The following DCAF8 variants were observed in gnomAD, a reference collection of about 807,000 sequenced individuals.
DCAF8 encodes the protein DDB1- and CUL4-associated factor 8.
Under a neutral mutation model 68.0 loss-of-function variants are expected in DCAF8, and 20 were observed. That is an observed-to-expected ratio of 0.29 (90% confidence interval 0.21 to 0.43). The LOEUF is 0.43. Among genes scored for constraint, DCAF8 ranks in the 20% least tolerant of loss-of-function variants. The pLI, the probability that DCAF8 is intolerant of heterozygous loss-of-function variation, is 1.00. For missense variants in DCAF8, 460 were observed against 771.0 expected, an observed-to-expected ratio of 0.60 and a Z score of 4.78; for synonymous variants, 230 against 276.9, an observed-to-expected ratio of 0.83 and a Z score of 1.68.
intron 3 of DCAF8, 117 bp downstream of exon 3, chr1:160,243,843 C>T: frequency 1.0e-6 from 1 of 975,410 alleles, no homozygotes; most frequent in Non-Finnish European, 1.6e-6. Flanking sequence ...AAACTCAGAA[C>T]AACACAGGAA....
chr1:160,217,776 C>G, intron 13 of DCAF8, 68 bp from the exon 14 acceptor site: 2 of 1,300,896 alleles, frequency 1.5e-6, no homozygotes, highest in Non-Finnish European at 2.2e-6. Flanking sequence ...TAGGTCTTAG[C>G]CAGAATTTAG....
At chr1:160,250,464 C>CA (rs386368471) in intron 2 of DCAF8, among the ~76,000 whole-genome samples, 35,465 of 66,820 alleles carry the variant, frequency 0.53, 9,056 homozygotes, top group South Asian at 0.66. Flanking sequence ...GAAACTGTCT[C>CA]AAAAAAAAAA....
In DCAF8 at chr1:160,231,274, A is replaced by C. The variant is rs1371411560; in HGVS notation, c.1070+23T>G. On this transcript the variant is annotated intron_variant, in intron 7 of 13. Coordinates refer to ENST00000368074, the MANE Select transcript of DCAF8 (RefSeq NM_015726.4). ...GCATCAGTCTTACAAACTGTCAAAG[A>C]CACAAAAGAGCCACAAACTCACCTT... is the stretch of plus-strand genomic sequence containing the variant. 2.6e-6 allele frequency: 4 copies of C among 1,550,290 alleles called. No individual in the cohort carries two copies. The East Asian group carries it at 6.7e-5, about 26-fold the overall frequency.
intron 2 of DCAF8, among the ~76,000 whole-genome samples, chr1:160,244,597 T>G (rs538723534): frequency 1.3e-5 from 2 of 152,042 alleles, no homozygotes; most frequent in East Asian, 3.9e-4. Flanking sequence ...GATGACTAAC[T>G]TCAAACCTAT....
intron 11 of DCAF8, chr1:160,220,012 TGAG>T (rs1315877933): frequency 3.3e-5 from 5 of 152,280 alleles, no homozygotes; most frequent in African/African-American, 9.6e-5. Flanking sequence ...AGAGAACAGC[TGAG>T]GAGAAGTCAA....
At position 160,252,001 on chromosome 1, in the gene DCAF8, C is replaced by A. The variant is rs529672527; in HGVS notation, c.-26-7967G>T. Reference sequence around the variant, plus strand: ...TGTAACAGAAAAATTAATCTCTATTCCTACTGTGCTGAAGATCTGACAGTA... The same window carrying A: ...TGTAACAGAAAAATTAATCTCTATTACTACTGTGCTGAAGATCTGACAGTA... On this transcript the variant is annotated intron_variant, in intron 2 of 13. Transcript: ENST00000368074. Among the ~76,000 whole-genome samples the A allele has an allele frequency of 1.2e-4, 18 of 152,288 alleles. 2 individuals carry two copies. In the East Asian group the frequency reaches 3.5e-3, roughly 29 times the overall value.
rs528802122 is a variant in DCAF8, at chr1:160,232,832, T to C, written c.960-1425A>G. Among the ~76,000 whole-genome samples, 5 of 151,928 alleles carry C rather than the reference T, an allele frequency of 3.3e-5. No individual in the cohort carries two copies. In the South Asian group the frequency reaches 8.3e-4, roughly 25 times the overall value. ...GACCCTGTCTCAAAAAGTAAAAAAA[T>C]AAAAAACCCAGCTTAAAATATGCAC... On this transcript the variant is annotated intron_variant, in intron 6 of 13. Transcript: ENST00000368074.
intron 7 of DCAF8, among the ~76,000 whole-genome samples, chr1:160,226,592 C>A (rs1265257598): frequency 6.6e-6 from 1 of 152,176 alleles, no homozygotes; most frequent in African/African-American, 2.4e-5. Flanking sequence ...CTTCCAGGGA[C>A]CTTGTTTGAT....
At chr1:160,248,973 C>T (rs2101757833) in intron 2 of DCAF8, among the ~76,000 whole-genome samples, 1 of 152,142 alleles carries the variant, frequency 6.6e-6, no homozygotes, top group African/African-American at 2.4e-5. Context: ...GGGCAGATCA[C>T]CTGAGGTCAG....
chr1:160,228,247 C>T (rs1183186677), intron 7 of DCAF8, among the ~76,000 whole-genome samples: 1 of 152,014 alleles, frequency 6.6e-6, no homozygotes, highest in Admixed American at 6.6e-5. Context: ...TTTTAAGTCA[C>T]GTAAGGAATA....
chr1:160,236,857 A>G (rs1655915506), intron 6 of DCAF8, among the ~76,000 whole-genome samples: 1 of 152,274 alleles, frequency 6.6e-6, no homozygotes, highest in South Asian at 2.1e-4. Flanking sequence ...TCTGTGGGTA[A>G]GATGAATGAT....
chr1:160,253,710 C>T (rs1251276111), intron 2 of DCAF8, among the ~76,000 whole-genome samples: 1 of 148,910 alleles, frequency 6.7e-6, no homozygotes, highest in Non-Finnish European at 1.5e-5. Flanking sequence ...CCTGTAGTCC[C>T]AGCTACTTGG....
chr1:160,254,530 ACGCC>A (rs2101768186), intron 2 of DCAF8, among the ~76,000 whole-genome samples: 1 of 151,852 alleles, frequency 6.6e-6, no homozygotes, highest in East Asian at 1.9e-4. Flanking sequence ...ACCATGGCTC[ACGCC>A]TGTAATCCCC....
intron 2 of DCAF8, among the ~76,000 whole-genome samples, chr1:160,251,852 A>G (rs1362020361): frequency 6.6e-6 from 1 of 152,222 alleles, no homozygotes; most frequent in Non-Finnish European, 1.5e-5. Context: ...TATATAAAGC[A>G]TGTTTATGGT....
chr1:160,224,348 G>T, intron 10 of DCAF8, 94 bp downstream of exon 10: 3 of 886,306 alleles, frequency 3.4e-6, no homozygotes, highest in Non-Finnish European at 5.4e-6. Flanking sequence ...GGCAACACAG[G>T]CAGGTAGTTT....
rs1655125162 is a variant in DCAF8, at chr1:160,216,511, C to T, written c.*1081G>A. ...AGGAATTTCCTGTTTTTCCCAACCC[C>T]TACACCAAAGCAGGGAACCAGGAAG... On this transcript the variant is annotated 3_prime_UTR_variant, in exon 14 of 14. Coordinates refer to ENST00000368074, the MANE Select transcript of DCAF8 (RefSeq NM_015726.4). 1 of 152,544 alleles carries T rather than the reference C, an allele frequency of 6.6e-6. No homozygotes were observed. The highest frequency in any genetic ancestry group is 2.1e-4 in the South Asian group (1 of 4,830). The allele number at this position is 152,544 out of a possible 1,614,324, so 9.4% of individuals were successfully genotyped here. A position where few individuals can be genotyped will look rare whatever the true frequency, so the allele number is the denominator to read the frequency against.
intron 5 of DCAF8, among the ~76,000 whole-genome samples, chr1:160,238,336 A>G (rs1327746196): frequency 2.0e-5 from 3 of 152,258 alleles, no homozygotes; most frequent in South Asian, 2.1e-4. Context: ...TAGAGGGCAC[A>G]GGAGACCTCA....
In DCAF8 at chr1:160,235,137, T is replaced by C. The variant is rs527907527; in HGVS notation, c.959+1998A>G. Among the ~76,000 whole-genome samples, 492 of 151,954 alleles carry C rather than the reference T, an allele frequency of 3.2e-3. 3 individuals are homozygous for C. The highest frequency in any genetic ancestry group is 0.011 in the African/African-American group (465 of 41,334). ...TGACCTATAAGATCTGTTATAATAA[T>C]TTTGGTTTTTTTTTTTGAGACAGTC... On this transcript the variant is annotated intron_variant, in intron 6 of 13. Transcript: ENST00000368074.
chr1:160,238,557 A>G, intron 5 of DCAF8, 50 bp downstream of exon 5: 1 of 1,525,994 alleles, frequency 6.6e-7, no homozygotes, highest in South Asian at 1.3e-5. Context: ...CTTGGCTGAG[A>G]ACCACAGAGG....
Sources: gnomAD v4.1 joint callset for allele counts (sites outside exome capture counted in the v4.1 genomes callset) on GRCh38, gnomAD v4.1.1 for gene constraint, MANE v1.5 for transcripts, NCBI Gene and HGNC (gene_info 2026-07-23, HGNC 2026-07-21) for gene names.